Variants in IMMP2L observed in about 807,000 individuals in gnomAD.
IMMP2L encodes inner mitochondrial membrane peptidase subunit 2.
Under a neutral mutation model 19.3 loss-of-function variants are expected in IMMP2L, and 18 were observed. The ratio of observed to expected loss-of-function variants is 0.93; its 90% CI spans 0.64 to 1.38. The LOEUF is 1.38. Among genes scored for constraint, IMMP2L ranks in the 40% most tolerant of loss-of-function variants. The probability of loss-of-function intolerance (pLI) is 0.00; values close to 1 mark genes in which losing one functional copy is unlikely to be tolerated. For missense variants in IMMP2L, 233 were observed against 218.2 expected, an observed-to-expected ratio of 1.07 and a Z score of -0.43; for synonymous variants, 76 against 73.0, an observed-to-expected ratio of 1.04 and a Z score of -0.21.
intron 1 of IMMP2L, among the ~76,000 whole-genome samples, chr7:111,558,693 AT>A (rs1585695008): frequency 6.6e-6 from 1 of 152,160 alleles, no homozygotes; most frequent in East Asian, 1.9e-4. Context: ...ACACTATTAT[AT>A]ATGTTGATTA....
chr7:111,150,664 C>T (rs560590690), intron 3 of IMMP2L, among the ~76,000 whole-genome samples: 1 of 152,246 alleles, frequency 6.6e-6, no homozygotes, highest in African/African-American at 2.4e-5. Flanking sequence ...GAATTTTACG[C>T]TCTCGAAGTA....
chr7:111,355,384 G>C (rs988852217), intron 3 of IMMP2L, among the ~76,000 whole-genome samples: 2 of 151,708 alleles, frequency 1.3e-5, no homozygotes, highest in African/African-American at 4.8e-5. Context: ...TCTTTAACCA[G>C]ATACTGTATA....
chr7:111,133,360 T>C (rs1027694189), intron 3 of IMMP2L, among the ~76,000 whole-genome samples: 1 of 152,028 alleles, frequency 6.6e-6, no homozygotes, highest in Non-Finnish European at 1.5e-5. Context: ...CCAGAGAGGC[T>C]TCTAATTCAG....
intron 4 of IMMP2L, among the ~76,000 whole-genome samples, chr7:110,921,892 A>G (rs1002704483): frequency 4.6e-5 from 7 of 152,222 alleles, no homozygotes; most frequent in East Asian, 1.9e-4. Flanking sequence ...CTGCATTTTA[A>G]TAATTCTCCA....
chr7:111,341,310 C>G (rs935805663), intron 3 of IMMP2L, among the ~76,000 whole-genome samples: 1 of 151,954 alleles, frequency 6.6e-6, no homozygotes, highest in African/African-American at 2.4e-5. Flanking sequence ...TTACTATGAG[C>G]CACTGTTCTA....
intron 2 of IMMP2L, among the ~76,000 whole-genome samples, chr7:111,489,213 T>A (rs977819512): frequency 6.6e-6 from 1 of 151,894 alleles, no homozygotes; most frequent in Non-Finnish European, 1.5e-5. Context: ...CCAGCTAATT[T>A]TTTTTATTTT....
At chr7:111,559,976 G>T (rs1482905644) in intron 1 of IMMP2L, among the ~76,000 whole-genome samples, 1 of 151,764 alleles carries the variant, frequency 6.6e-6, no homozygotes, top group Non-Finnish European at 1.5e-5. Flanking sequence ...GAAAAAGAAA[G>T]AAATTTACAA....
chr7:111,470,508 T>A (rs1841144935), intron 3 of IMMP2L, among the ~76,000 whole-genome samples: 1 of 151,490 alleles, frequency 6.6e-6, no homozygotes, highest in African/African-American at 2.4e-5. Context: ...ATTAAGAAAA[T>A]GTGGCACATA....
chr7:111,223,692 G>A (rs1195147425), intron 3 of IMMP2L, among the ~76,000 whole-genome samples: 2 of 151,932 alleles, frequency 1.3e-5, no homozygotes, highest in African/African-American at 4.8e-5. Context: ...CCTTATATTG[G>A]CTATAGGGTA....
chr7:110,839,305 G>A (rs978543467), intron 5 of IMMP2L, among the ~76,000 whole-genome samples: 2 of 151,996 alleles, frequency 1.3e-5, no homozygotes, highest in South Asian at 4.1e-4. Context: ...ATATTCATTA[G>A]GATTTGTAAA....
At chr7:111,078,826 G>A (rs908523426) in intron 3 of IMMP2L, among the ~76,000 whole-genome samples, 13 of 152,072 alleles carry the variant, frequency 8.5e-5, no homozygotes, top group Non-Finnish European at 1.5e-5. Flanking sequence ...CACCTACCAG[G>A]TTTCAGTGAT....
chr7:111,492,888 C>A (rs149416731), intron 2 of IMMP2L, among the ~76,000 whole-genome samples: 1 of 152,086 alleles, frequency 6.6e-6, no homozygotes, highest in Non-Finnish European at 1.5e-5. Context: ...CCCTCATGTG[C>A]GCTCCCATAG....
At chr7:111,341,379 A>T (rs1226730944) in intron 3 of IMMP2L, among the ~76,000 whole-genome samples, 1 of 152,146 alleles carries the variant, frequency 6.6e-6, no homozygotes, top group Non-Finnish European at 1.5e-5. Context: ...AAACATAATG[A>T]ATGAATATAT....
chr7:111,301,921 T>TAAAAAAA (rs59156229), intron 3 of IMMP2L, among the ~76,000 whole-genome samples: 50 of 83,156 alleles, frequency 6.0e-4, no homozygotes, highest in African/African-American at 7.7e-4. Context: ...TTTCATGCTT[T>TAAAAAAA]AAAAAAAAAA....
chr7:110,941,372 T>C (rs560128801), intron 4 of IMMP2L, among the ~76,000 whole-genome samples: 38 of 152,288 alleles, frequency 2.5e-4, no homozygotes, highest in Admixed American at 7.2e-4. Context: ...CTATAGATGG[T>C]CTCAAATATC....
At chr7:111,299,691 T>A (rs1475811015) in intron 3 of IMMP2L, among the ~76,000 whole-genome samples, 1 of 151,824 alleles carries the variant, frequency 6.6e-6, no homozygotes, top group Non-Finnish European at 1.5e-5. Context: ...TAGTTTCTGA[T>A]CATAAGCAAC....
chr7:111,013,436 C>T (rs374651326), intron 3 of IMMP2L, among the ~76,000 whole-genome samples: 26 of 152,032 alleles, frequency 1.7e-4, no homozygotes, highest in African/African-American at 5.8e-4. Flanking sequence ...GCTTACTTTT[C>T]GAGGTAAGAC....
chr7:111,393,348 T>C (rs1203652074), intron 3 of IMMP2L, among the ~76,000 whole-genome samples: 1 of 152,152 alleles, frequency 6.6e-6, no homozygotes, highest in African/African-American at 2.4e-5. Context: ...GAATAGCCAG[T>C]TACTTGTTCC....
chr7:110,799,688 C>T (rs1801112366), intron 5 of IMMP2L, among the ~76,000 whole-genome samples: 1 of 152,006 alleles, frequency 6.6e-6, no homozygotes, highest in Non-Finnish European at 1.5e-5. Flanking sequence ...TTTTTATTTA[C>T]CGCTAGTCAT....
Sources: allele counts gnomAD v4.1 joint callset (sites outside exome capture counted in the v4.1 genomes callset), GRCh38; gene constraint gnomAD v4.1.1; transcripts MANE v1.5; gene names NCBI Gene and HGNC (gene_info 2026-07-23, HGNC 2026-07-21).